Variants in FHIT observed in about 807,000 individuals in gnomAD.
FHIT encodes the protein fragile histidine triad diadenosine triphosphatase, also known as bis(5'-adenosyl)-triphosphatase.
A neutral mutation model predicts 17.9 loss-of-function variants in FHIT; 19 were observed. That is an observed-to-expected ratio of 1.06 (90% CI 0.74 to 1.56). The LOEUF (loss-of-function observed/expected upper bound fraction) is 1.56, where lower values mean the gene tolerates loss of function less well. Ranked by LOEUF, FHIT falls within the 40% of genes most tolerant of loss-of-function variation. The pLI is 0.00. For missense variants in FHIT, 248 were observed against 189.2 expected (o/e 1.31, Z -1.82); for synonymous variants, 81 against 69.7 (o/e 1.16, Z -0.81).
chr3:60,912,795 C>T (rs782442653), intron 3 of FHIT: 1 of 514,150 alleles, frequency 1.9e-6, no homozygotes, highest in African/African-American at 1.9e-5. Context: ...CTTTGTCTTA[C>T]CATTTCTCTA....
chr3:60,124,813 TC>T (rs898770262), intron 5 of FHIT, among the ~76,000 whole-genome samples: 14 of 152,290 alleles, frequency 9.2e-5, no homozygotes, highest in South Asian at 2.1e-4. Context: ...TTACTGACTC[TC>T]TCGACTTTGC....
chr3:60,433,382 G>A (rs530382078), intron 5 of FHIT, among the ~76,000 whole-genome samples: 3 of 152,092 alleles, frequency 2.0e-5, no homozygotes, highest in Admixed American at 6.6e-5. Flanking sequence ...CAATGAACAT[G>A]AGAGTGCTAA....
At chr3:60,444,864 A>G (rs1390321499) in intron 5 of FHIT, among the ~76,000 whole-genome samples, 1 of 152,054 alleles carries the variant, frequency 6.6e-6, no homozygotes, top group African/African-American at 2.4e-5. Context: ...TTTTAAAAAA[A>G]AAGAAAGAAA....
intron 7 of FHIT, among the ~76,000 whole-genome samples, chr3:60,008,494 G>A (rs955383766): frequency 6.6e-6 from 1 of 152,094 alleles, no homozygotes; most frequent in African/African-American, 2.4e-5. Flanking sequence ...ACCCTACAGT[G>A]GTATCATGTT....
chr3:60,372,191 A>G (rs1050502410), intron 5 of FHIT, among the ~76,000 whole-genome samples: 2 of 152,190 alleles, frequency 1.3e-5, no homozygotes, highest in Admixed American at 6.5e-5. Flanking sequence ...CCTAGCCTAA[A>G]AAGTCTGAGA....
chr3:60,066,238 A>G (rs553997850), intron 5 of FHIT, among the ~76,000 whole-genome samples: 19 of 152,264 alleles, frequency 1.2e-4, no homozygotes, highest in African/African-American at 4.1e-4. Flanking sequence ...AGTCAAACTC[A>G]GGCTTAGTTT....
chr3:60,579,242 C>T (rs760058162), intron 4 of FHIT, among the ~76,000 whole-genome samples: 1 of 152,142 alleles, frequency 6.6e-6, no homozygotes, highest in African/African-American at 2.4e-5. Context: ...ACGCTATATG[C>T]TATATGCTGT....
At chr3:60,531,277 T>A (rs1489652916) in intron 5 of FHIT, among the ~76,000 whole-genome samples, 2 of 62,650 alleles carry the variant, frequency 3.2e-5, no homozygotes, top group African/African-American at 1.0e-4. Flanking sequence ...AAGAACTCTT[T>A]TTTTTTTTTT....
At chr3:60,222,202 T>C (rs1703995509) in intron 5 of FHIT, among the ~76,000 whole-genome samples, 1 of 151,780 alleles carries the variant, frequency 6.6e-6, no homozygotes, top group African/African-American at 2.4e-5. Context: ...TCTCTCTTAT[T>C]TATTTATTCA....
intron 4 of FHIT, among the ~76,000 whole-genome samples, chr3:60,546,315 A>T (rs2036362047): frequency 6.6e-6 from 1 of 151,952 alleles, no homozygotes; most frequent in Admixed American, 6.6e-5. Context: ...TACACATTCT[A>T]TTTTTATTTC....
intron 3 of FHIT, among the ~76,000 whole-genome samples, chr3:60,947,629 A>C (rs1553776043): frequency 1.3e-5 from 2 of 152,188 alleles, no homozygotes. Context: ...AAAGGTCATA[A>C]CCTGTACCCA....
chr3:60,769,000 AG>A, intron 4 of FHIT, among the ~76,000 whole-genome samples: 1 of 152,362 alleles, frequency 6.6e-6, no homozygotes, highest in South Asian at 2.1e-4. Context: ...CCTGTTTGCC[AG>A]GCTTCTGTGA....
intron 2 of FHIT, among the ~76,000 whole-genome samples, chr3:61,138,752 A>T (rs891995430): frequency 3.3e-5 from 5 of 152,282 alleles, no homozygotes; most frequent in Middle Eastern, 3.4e-3. Context: ...AGTTAGGTAG[A>T]TTTATACCCC....
chr3:59,747,543 G>A lies in FHIT; in HGVS notation c.*2042C>T, dbSNP rs563766725. On this transcript the variant is annotated 3_prime_UTR_variant, in exon 10 of 10. Transcript: ENST00000492590. ...ATGTGGGTGGGGAAACAGCCAAATC[G>A]TATAACTAGGTATGTCCACCCCAAA... 1.2e-4 allele frequency among the ~76,000 whole-genome samples: 18 copies of A among 152,200 alleles called. No homozygotes were observed. Among genetic ancestry groups the A allele is most frequent in the South Asian group, 4.1e-4 (2 of 4,826 alleles).
At chr3:60,354,434 T>C (rs1041162425) in intron 5 of FHIT, among the ~76,000 whole-genome samples, 1 of 152,108 alleles carries the variant, frequency 6.6e-6, no homozygotes, top group African/African-American at 2.4e-5. Context: ...GTTTAGTATC[T>C]CCTTAGGTTC....
intron 5 of FHIT, among the ~76,000 whole-genome samples, chr3:60,219,139 T>A (rs1205008906): frequency 1.3e-5 from 2 of 152,096 alleles, no homozygotes; most frequent in African/African-American, 4.8e-5. Context: ...GTTCACAAAT[T>A]ATCTAATTTC....
At position 59,985,523 on chromosome 3, in the gene FHIT, T is replaced by C. The variant is rs149819496; in HGVS notation, c.279+25848A>G. On this transcript the variant is annotated intron_variant, in intron 7 of 9. Coordinates refer to ENST00000492590, the MANE Select transcript of FHIT (RefSeq NM_002012.4). ...TTACATTGAATCTTGAACATCTATG[T>C]ACATAATTTAGAATTTGCTAAAAGG... Among the ~76,000 whole-genome samples the C allele has an allele frequency of 2.4e-3, 361 of 152,298 alleles. 1 individual carries two copies. The highest frequency in any genetic ancestry group is 3.9e-3 in the Non-Finnish European group (265 of 68,020).
chr3:60,306,747 T>A (rs185122673), intron 5 of FHIT, among the ~76,000 whole-genome samples: 23 of 152,226 alleles, frequency 1.5e-4, no homozygotes, highest in African/African-American at 5.3e-4. Context: ...AACAAACACA[T>A]TACATGATTT....
chr3:60,777,767 C>T (rs1553724829), intron 4 of FHIT, among the ~76,000 whole-genome samples: 5 of 152,090 alleles, frequency 3.3e-5, no homozygotes. Flanking sequence ...TCACGATATA[C>T]AGGGTTAAAT....
Sources: allele counts gnomAD v4.1 joint callset (sites outside exome capture counted in the v4.1 genomes callset), GRCh38; gene constraint gnomAD v4.1.1; transcripts MANE v1.5; gene names NCBI Gene and HGNC (gene_info 2026-07-23, HGNC 2026-07-21).